The following EMB variants were observed in gnomAD, a reference collection of about 807,000 sequenced individuals.
EMB encodes embigin homolog.
A neutral mutation model predicts 41.4 loss-of-function variants in EMB; 31 were observed. The observed-to-expected ratio is 0.75, with a 90% CI of 0.56 to 1.01. The LOEUF is 1.01. EMB is among the 50% of genes least tolerant of loss of function. The pLI is 0.00. For synonymous variants in EMB, 137 were observed against 140.4 expected (o/e 0.98, Z 0.17); for missense variants, 379 against 388.3 (o/e 0.98, Z 0.20).
intron 2 of EMB, among the ~76,000 whole-genome samples, chr5:50,420,226 G>T (rs946686747): frequency 3.3e-5 from 5 of 152,054 alleles, no homozygotes; most frequent in Admixed American, 3.3e-4. Context: ...TCAAAGGAGA[G>T]GTAAACACAA....
chr5:50,424,074 G>A (rs780142455), intron 2 of EMB, among the ~76,000 whole-genome samples: 15 of 151,924 alleles, frequency 9.9e-5, no homozygotes, highest in South Asian at 2.1e-4. Flanking sequence ...TTATATTTTT[G>A]TAGCTCTTAA....
chr5:50,417,519 A>G (rs1407943894), intron 2 of EMB, among the ~76,000 whole-genome samples: 1 of 152,218 alleles, frequency 6.6e-6, no homozygotes, highest in Admixed American at 6.5e-5. Context: ...TGCCACACCA[A>G]TGTGATACAG....
chr5:50,402,777 G>C (rs6884171), intron 6 of EMB, among the ~76,000 whole-genome samples: 2,673 of 140,216 alleles, frequency 0.019, 71 homozygotes, highest in African/African-American at 0.066. Flanking sequence ...AAGAAAAATT[G>C]TTTCTTTTAG....
chr5:50,398,040 T>G lies in EMB; in HGVS notation c.*1233A>C, dbSNP rs895882352. The G allele has an allele frequency of 6.6e-6, 1 of 151,830 alleles. No individual in the cohort carries two copies. Among genetic ancestry groups the G allele is most frequent in the African/African-American group, 2.4e-5 (1 of 41,362 alleles). The allele number at this position is 151,830 out of a possible 1,614,324, so 9.4% of individuals were successfully genotyped here. ...ATCATTGAATTCCTCCTCCCCAACC[T>G]TTAAATTCCCTAGTCGCCAAGAATC... is the stretch of plus-strand genomic sequence containing the variant. On this transcript the variant is annotated 3_prime_UTR_variant, in exon 9 of 9. Transcript: ENST00000303221.
intron 1 of EMB, among the ~76,000 whole-genome samples, chr5:50,439,994 G>T (rs1745870804): frequency 6.6e-6 from 1 of 152,130 alleles, no homozygotes; most frequent in African/African-American, 2.4e-5. Flanking sequence ...ATTATAAACA[G>T]GTGAAGGTAG....
intron 4 of EMB, among the ~76,000 whole-genome samples, chr5:50,409,572 G>A (rs1176370872): frequency 1.3e-5 from 2 of 151,652 alleles, no homozygotes; most frequent in African/African-American, 4.8e-5. Flanking sequence ...AAAGAGAAAG[G>A]GAGGAAAAAA....
At chr5:50,440,890 C>T (rs1035313975) in intron 1 of EMB, 150 bp downstream of exon 1, 45 of 467,366 alleles carry the variant, frequency 9.6e-5, no homozygotes, top group Non-Finnish European at 1.5e-4. Flanking sequence ...AATGGGAGGC[C>T]GCCGCCGACT....
Position 50,411,279 on chromosome 5 carries a change from C to T in EMB, c.301G>A (p.Val101Met), listed in dbSNP as rs1228956813. ...TGTTCACCATCTTTTTTCCAAGTCA[C>T]ATTTACTGCATTCAAATCCCCAGAT... Reference protein sequence around the residue: ...TTSGDLNAVNVTWKKDGEQLE... With the variant: ...TTSGDLNAVNMTWKKDGEQLE... Residue 101 changes from valine (V) to methionine (M), a missense_variant, in exon 3 of 9, where the codon GTG becomes ATG. Coordinates refer to ENST00000303221, the MANE Select transcript of EMB (RefSeq NM_198449.3). 6 of 1,613,116 alleles carry T rather than the reference C, an allele frequency of 3.7e-6. No homozygotes were observed. Among genetic ancestry groups the T allele is most frequent in the Non-Finnish European group, 5.1e-6 (6 of 1,179,430 alleles).
chr5:50,420,245 A>G (rs1386142235), intron 2 of EMB, among the ~76,000 whole-genome samples: 1 of 152,212 alleles, frequency 6.6e-6, no homozygotes, highest in Non-Finnish European at 1.5e-5. Flanking sequence ...AAGTCTCAGC[A>G]CACACCAGAT....
chr5:50,424,362 T>C (rs1370153220), intron 2 of EMB, among the ~76,000 whole-genome samples: 2 of 152,178 alleles, frequency 1.3e-5, no homozygotes, highest in African/African-American at 2.4e-5. Flanking sequence ...ATACAGTAAA[T>C]ACATATCAGA....
chr5:50,440,047 A>G (rs1330070599), intron 1 of EMB, among the ~76,000 whole-genome samples: 2 of 152,164 alleles, frequency 1.3e-5, no homozygotes, highest in Admixed American at 1.3e-4. Context: ...TTTGCACGTA[A>G]TCCCTCTGTC....
intron 1 of EMB, 123 bp from the exon 2 acceptor site, chr5:50,428,350 C>T (rs1272839217): frequency 1.6e-6 from 2 of 1,268,530 alleles, no homozygotes; most frequent in East Asian, 2.6e-5. Context: ...TTTCAGGAAG[C>T]TCAAAGTCTT....
intron 6 of EMB, 35 bp downstream of exon 6, chr5:50,403,143 T>TA (rs201510379): frequency 0.084 from 102,101 of 1,217,632 alleles, 109 homozygotes; most frequent in South Asian, 0.095. Flanking sequence ...TAATACTTTC[T>TA]AAAAAAAACA....
chr5:50,439,477 C>T (rs1433099075), intron 1 of EMB, among the ~76,000 whole-genome samples: 3 of 142,520 alleles, frequency 2.1e-5, no homozygotes, highest in Admixed American at 7.2e-5. Flanking sequence ...TCACCACAAC[C>T]GCACTTTTAA....
chr5:50,402,669 G>A (rs1745182842), intron 6 of EMB, among the ~76,000 whole-genome samples: 1 of 151,780 alleles, frequency 6.6e-6, no homozygotes. Flanking sequence ...AACCCATCAG[G>A]CACAGGCCGC....
At position 50,399,256 on chromosome 5, in the gene EMB, G is replaced by T. The variant is rs778758183; in HGVS notation, c.*17C>A. On this transcript the variant is annotated 3_prime_UTR_variant, in exon 9 of 9. Coordinates refer to ENST00000303221, the MANE Select transcript of EMB (RefSeq NM_198449.3). ...CTCTGTATATCTTCCAATGATTCTC[G>T]ACATGATGTTTTGTATTCACTGGCC... The T allele has an allele frequency of 1.9e-6, 3 of 1,607,782 alleles. No homozygotes were observed. In the East Asian group the frequency reaches 6.7e-5, roughly 36 times the overall value.
chr5:50,415,291 T>C (rs1299568998), intron 2 of EMB, among the ~76,000 whole-genome samples: 1 of 152,100 alleles, frequency 6.6e-6, no homozygotes, highest in African/African-American at 2.4e-5. Context: ...AAAGGACAAC[T>C]TTGGTTGGAG....
At chr5:50,425,072 G>A (rs1745587600) in intron 2 of EMB, among the ~76,000 whole-genome samples, 1 of 152,032 alleles carries the variant, frequency 6.6e-6, no homozygotes, top group African/African-American at 2.4e-5. Context: ...TGCAGCATTG[G>A]AGTCATGCTA....
chr5:50,399,497 C>A (rs1405045654), intron 8 of EMB, among the ~76,000 whole-genome samples: 1 of 151,690 alleles, frequency 6.6e-6, no homozygotes, highest in Non-Finnish European at 1.5e-5. Context: ...AGTTTATACC[C>A]CCAAATATAT....
Sources: allele counts gnomAD v4.1 joint callset (sites outside exome capture counted in the v4.1 genomes callset), GRCh38; gene constraint gnomAD v4.1.1; transcripts MANE v1.5; gene names NCBI Gene and HGNC (gene_info 2026-07-23, HGNC 2026-07-21).